NCAM1: variants seen among roughly 807,000 people sequenced by gnomAD.
NCAM1 encodes neural cell adhesion molecule 1.
A neutral mutation model predicts 109.8 loss-of-function variants in NCAM1; 14 were observed. The observed-to-expected ratio is 0.13, with a 90% CI of 0.08 to 0.20. NCAM1 has a LOEUF of 0.20. Ranked by LOEUF, NCAM1 falls within the 10% of genes least tolerant of loss-of-function variation. The probability of loss-of-function intolerance (pLI) is 1.00; values close to 1 mark genes in which losing one functional copy is unlikely to be tolerated. For synonymous variants in NCAM1, 418 were observed against 442.9 expected (o/e 0.94, Z 0.70); for missense variants, 774 against 1,109.9 (o/e 0.70, Z 4.30).
intron 1 of NCAM1, among the ~76,000 whole-genome samples, chr11:113,078,794 TC>T: frequency 6.6e-6 from 1 of 152,298 alleles, no homozygotes; most frequent in Non-Finnish European, 1.5e-5. Flanking sequence ...GTGACCTGTC[TC>T]AAGATCATCC....
intron 9 of NCAM1, among the ~76,000 whole-genome samples, chr11:113,230,367 T>G (rs144736809): frequency 6.6e-6 from 1 of 152,348 alleles, no homozygotes; most frequent in East Asian, 1.9e-4. Context: ...TTGACTCTTC[T>G]GTCTTCTTGC....
chr11:113,071,237 A>G (rs1938246695), intron 1 of NCAM1, among the ~76,000 whole-genome samples: 1 of 152,204 alleles, frequency 6.6e-6, no homozygotes, highest in African/African-American at 2.4e-5. Context: ...AGGAGTATCC[A>G]AATTTAAGAT....
At chr11:113,185,079 TAGAGAGAGAGAG>T (rs782462491) in intron 1 of NCAM1, among the ~76,000 whole-genome samples, 7 of 125,760 alleles carry the variant, frequency 5.6e-5, no homozygotes, top group Admixed American at 2.4e-4. Context: ...TATATATATA[TAGAGAGAGAGAG>T]AGAGAGAGAG....
intron 1 of NCAM1, among the ~76,000 whole-genome samples, chr11:113,001,225 A>T (rs1285209193): frequency 6.6e-6 from 1 of 152,152 alleles, no homozygotes; most frequent in African/African-American, 2.4e-5. Flanking sequence ...CCCCACACAG[A>T]TACTGTGAAC....
intron 1 of NCAM1, among the ~76,000 whole-genome samples, chr11:113,031,045 A>T (rs577388889): frequency 2.0e-5 from 3 of 152,214 alleles, no homozygotes; most frequent in Admixed American, 2.0e-4. Context: ...ATAAGGGAAC[A>T]CTGAATTGTT....
At chr11:112,968,695 A>G (rs1163181180) in intron 1 of NCAM1, among the ~76,000 whole-genome samples, 2 of 152,176 alleles carry the variant, frequency 1.3e-5, no homozygotes, top group Admixed American at 1.3e-4. Context: ...ACATATTCAG[A>G]TTCAAGTCTA....
At chr11:113,173,994 G>T (rs1289143777) in intron 1 of NCAM1, among the ~76,000 whole-genome samples, 1 of 151,996 alleles carries the variant, frequency 6.6e-6, no homozygotes, top group African/African-American at 2.4e-5. Context: ...AATCTCCATG[G>T]CATGTTACCT....
At chr11:113,227,899 A>T (rs1555116539) in intron 9 of NCAM1, among the ~76,000 whole-genome samples, 3 of 152,004 alleles carry the variant, frequency 2.0e-5, no homozygotes, top group Non-Finnish European at 1.5e-5. Context: ...CATGCTAAAA[A>T]CTCTCAATAA....
At position 113,217,245 on chromosome 11, in the gene NCAM1, G is replaced by C. The variant is rs561834773; in HGVS notation, c.1059+2734G>C. Among the ~76,000 whole-genome samples, 15 of 152,282 alleles carry C rather than the reference G, an allele frequency of 9.9e-5. No individual in the cohort carries two copies. The South Asian group carries it at 3.1e-3, about 32-fold the overall frequency. On this transcript the variant is annotated intron_variant, in intron 8 of 19. Transcript: ENST00000316851. ...CCCTGTCTGAAGCATGATGGTGTCA[G>C]TCCTCTGCAGGGGAGTTGGCCAATG...
chr11:113,135,101 A>T (rs904216105), intron 1 of NCAM1, among the ~76,000 whole-genome samples: 6 of 152,142 alleles, frequency 3.9e-5, no homozygotes, highest in Non-Finnish European at 8.8e-5. Flanking sequence ...CTGTGTGAGA[A>T]TAGTGGAAAG....
intron 1 of NCAM1, among the ~76,000 whole-genome samples, chr11:113,102,468 A>G (rs1555091709): frequency 1.3e-5 from 2 of 152,166 alleles, no homozygotes; most frequent in African/African-American, 2.4e-5. Context: ...TTCTGGCCTA[A>G]GCACTAGTCT....
intron 17 of NCAM1, chr11:113,262,866 G>A (rs1555123657): frequency 1.9e-6 from 3 of 1,613,784 alleles, no homozygotes; most frequent in Non-Finnish European, 2.5e-6. Flanking sequence ...AGGCAATTCT[G>A]CATCCTACAC....
In NCAM1 at chr11:113,263,841, GAGA is replaced by G. The variant is rs547696638; in HGVS notation, c.2131+3521_2131+3523del. 7.1e-4 allele frequency: 701 copies of G among 985,508 alleles called. 2 individuals carry two copies. In the African/African-American group the frequency reaches 0.011, roughly 15 times the overall value. 61.0% of individuals were successfully genotyped at this position (985,508 alleles called of 1,614,324 possible). On this transcript the variant is annotated intron_variant, in intron 17 of 19. Coordinates refer to ENST00000316851, the MANE Select transcript of NCAM1 (RefSeq NM_181351.5). ...CTACCTGGCCTGTGTGTGCTCAGTA[GAGA>G]AGGAGAGGGACAGGCCACTCCCAGA... is the stretch of plus-strand genomic sequence containing the variant.
chr11:113,246,503 A>T (rs574375117), intron 15 of NCAM1, 133 bp downstream of exon 15: 1 of 651,476 alleles, frequency 1.5e-6, no homozygotes, highest in Admixed American at 2.3e-5. Flanking sequence ...CTCAATTCAC[A>T]TCCAGAATTC....
chr11:113,220,602 C>CTTTGTTTT (rs1944663195), intron 8 of NCAM1, among the ~76,000 whole-genome samples: 1 of 75,584 alleles, frequency 1.3e-5, no homozygotes, highest in African/African-American at 6.1e-5. Flanking sequence ...CTCTCTCTCT[C>CTTTGTTTT]TTTTTTTTTT....
chr11:113,182,118 C>T (rs1197774494), intron 1 of NCAM1, among the ~76,000 whole-genome samples: 1 of 152,152 alleles, frequency 6.6e-6, no homozygotes, highest in Non-Finnish European at 1.5e-5. Context: ...GTATTCATAT[C>T]TCTTCCCATC....
chr11:113,213,263 C>T (rs45439094), intron 7 of NCAM1, among the ~76,000 whole-genome samples: 10,273 of 152,246 alleles, frequency 0.067, 493 homozygotes, highest in East Asian at 0.2. Context: ...CCTAGCCTGA[C>T]CTTTTCCTAT....
intron 9 of NCAM1, among the ~76,000 whole-genome samples, chr11:113,225,506 C>G (rs1426860359): frequency 6.6e-6 from 1 of 152,232 alleles, no homozygotes; most frequent in East Asian, 1.9e-4. Context: ...GGAAAACACT[C>G]TGCAGGAAAT....
At chr11:113,219,998 G>A (rs1282880126) in intron 8 of NCAM1, among the ~76,000 whole-genome samples, 1 of 152,134 alleles carries the variant, frequency 6.6e-6, no homozygotes, top group Non-Finnish European at 1.5e-5. Flanking sequence ...CTAAATGTTT[G>A]CTAACTTATT....
Sources: allele counts gnomAD v4.1 joint callset (sites outside exome capture counted in the v4.1 genomes callset), GRCh38; gene constraint gnomAD v4.1.1; transcripts MANE v1.5; gene names NCBI Gene and HGNC (gene_info 2026-07-23, HGNC 2026-07-21).